AGAP1: variants seen among roughly 807,000 people sequenced by gnomAD.
The protein encoded by AGAP1 is ArfGAP with GTPase domain, ankyrin repeat and PH domain 1.
A neutral mutation model predicts 105.3 loss-of-function variants in AGAP1; 29 were observed. The observed-to-expected ratio is 0.28, with a 90% confidence interval of 0.21 to 0.38. The LOEUF (loss-of-function observed/expected upper bound fraction) is 0.38, where lower values mean the gene tolerates loss of function less well. Among genes scored for constraint, AGAP1 ranks in the 10% least tolerant of loss-of-function variants. AGAP1 has a pLI of 1.00. For synonymous variants in AGAP1, 509 were observed against 485.9 expected (o/e 1.05, Z -0.63); for missense variants, 998 against 1,165.1 (o/e 0.86, Z 2.09).
chr2:236,043,591 G>A (rs1003644695), intron 15 of AGAP1, among the ~76,000 whole-genome samples: 5 of 126,014 alleles, frequency 4.0e-5, no homozygotes, highest in Non-Finnish European at 7.3e-5. Context: ...GCCGGGCATG[G>A]TGGCATATGC....
At chr2:235,649,602 A>G (rs1947514218) in intron 1 of AGAP1, among the ~76,000 whole-genome samples, 2 of 152,070 alleles carry the variant, frequency 1.3e-5, no homozygotes, top group South Asian at 2.1e-4. Flanking sequence ...AGACTCGTGG[A>G]CTCAAGCAAC....
intron 1 of AGAP1, among the ~76,000 whole-genome samples, chr2:235,669,021 C>A (rs1232198467): frequency 6.6e-6 from 1 of 152,076 alleles, no homozygotes; most frequent in Non-Finnish European, 1.5e-5. Flanking sequence ...GTAAAATAAC[C>A]CTACAAGATT....
At position 235,662,829 on chromosome 2, in the gene AGAP1, C is replaced by T. The variant is rs1948005752; in HGVS notation, c.164-46350C>T. Among the ~76,000 whole-genome samples the T allele has an allele frequency of 6.6e-6, 1 of 152,216 alleles. No homozygotes were observed. Among genetic ancestry groups the T allele is most frequent in the South Asian group, 2.1e-4 (1 of 4,834 alleles). ...AGAACCCCTCACCCTGCTCAGTGCT[C>T]CTGGCCACTGCTGACTGGTGCATGG... is the stretch of plus-strand genomic sequence containing the variant. On this transcript the variant is annotated intron_variant, in intron 1 of 17. Transcript: ENST00000304032. The surrounding 1 kb of genome is among the most constrained non-coding windows in gnomAD (Gnocchi z 4.2).
rs1960919249 is a variant in AGAP1, at chr2:235,842,055, G to A, written c.1050+34724G>A. Among the ~76,000 whole-genome samples the A allele has an allele frequency of 6.6e-6, 1 of 152,204 alleles. No homozygotes were observed. The highest frequency in any genetic ancestry group is 2.4e-5 in the African/African-American group (1 of 41,456). ...TTTCACCTGCTGCTTCCTGCGGGATGTCGCTCATGTGGAGGAGGGCCTCTC... is the reference window on the plus strand; with the variant it reads ...TTTCACCTGCTGCTTCCTGCGGGATATCGCTCATGTGGAGGAGGGCCTCTC... On this transcript the variant is annotated intron_variant, in intron 9 of 17. Coordinates refer to ENST00000304032, the MANE Select transcript of AGAP1 (RefSeq NM_001037131.3). This position sits in a 1 kb window ranked among gnomAD's most constrained non-coding sequence, Gnocchi z 5.3.
intron 13 of AGAP1, among the ~76,000 whole-genome samples, chr2:235,998,774 T>TGG (rs2055930815): frequency 1.3e-5 from 2 of 150,076 alleles, no homozygotes; most frequent in Non-Finnish European, 1.5e-5. Flanking sequence ...TGGTGAGAGG[T>TGG]TATGAAGGGG....
chr2:235,589,194 GTTTTTTTTTTTT>G (rs928149334), intron 1 of AGAP1, among the ~76,000 whole-genome samples: 6 of 59,616 alleles, frequency 1.0e-4, no homozygotes, highest in African/African-American at 3.2e-4. Context: ...TTATTGTTTT[GTTTTTTTTTTTT>G]TTTTTTTTTT....
intron 1 of AGAP1, among the ~76,000 whole-genome samples, chr2:235,584,902 C>CTT (rs10629736): frequency 0.37 from 36,686 of 98,290 alleles, 7,390 homozygotes; most frequent in African/African-American, 0.47. Context: ...AAGTCATTAC[C>CTT]TTTTTTTTTT....
intron 1 of AGAP1, among the ~76,000 whole-genome samples, chr2:235,673,074 C>T (rs921989171): frequency 5.9e-5 from 9 of 152,168 alleles, no homozygotes; most frequent in African/African-American, 1.7e-4. Flanking sequence ...TCTAAGTAAT[C>T]ACATGCTCAA....
rs1291403295 is a variant in AGAP1 at position 235,705,048 on chromosome 2, G to T, written c.164-4131G>T. 7.8e-6 allele frequency among the ~76,000 whole-genome samples: 1 copy of T among 128,934 alleles called. No homozygotes were observed. Among genetic ancestry groups the T allele is most frequent in the East Asian group, 2.5e-4 (1 of 3,994 alleles). 84.6% of individuals were successfully genotyped at this position (128,934 alleles called of 152,430 possible). ...GGCTGGAGTGCAATGGTGGGATCTC[G>T]GCTCGCTGCAACCTCTACCTCCCGG... On this transcript the variant is annotated intron_variant, in intron 1 of 17. Transcript: ENST00000304032. This position sits in a 1 kb window ranked among gnomAD's most constrained non-coding sequence, Gnocchi z 4.9.
At chr2:235,949,468 C>T (rs73130450) in intron 12 of AGAP1, among the ~76,000 whole-genome samples, 1,834 of 152,232 alleles carry the variant, frequency 0.012, 26 homozygotes, top group South Asian at 0.045. Flanking sequence ...GATTATGCCA[C>T]CTCTCCGCCT....
intron 11 of AGAP1, among the ~76,000 whole-genome samples, chr2:235,915,981 A>T (rs1559642834): frequency 6.6e-6 from 1 of 152,216 alleles, no homozygotes; most frequent in East Asian, 1.9e-4. Context: ...CAAGAGCAAC[A>T]TGCATTCTTA....
rs2057642347 is a variant in AGAP1, at chr2:236,044,070, G to A, written c.1891+3229G>A. 1.3e-5 allele frequency among the ~76,000 whole-genome samples: 2 copies of A among 152,168 alleles called. No homozygotes were observed. The highest frequency in any genetic ancestry group is 4.8e-5 in the African/African-American group (2 of 41,448). ...GCACTGTTTCCAGAGTGGACGCTGA[G>A]CCTCTGGAGCTTTGGGGGTGCCTGT... On this transcript the variant is annotated intron_variant, in intron 15 of 17. Transcript: ENST00000304032. This position sits in a 1 kb window ranked among gnomAD's most constrained non-coding sequence, Gnocchi z 5.7.
At chr2:235,604,305 C>A (rs1220839848) in intron 1 of AGAP1, among the ~76,000 whole-genome samples, 4 of 151,836 alleles carry the variant, frequency 2.6e-5, no homozygotes, top group Admixed American at 2.0e-4. Context: ...CATAGTGAGA[C>A]CCCGCCTATA....
intron 16 of AGAP1, among the ~76,000 whole-genome samples, chr2:236,072,842 G>A (rs945338213): frequency 6.6e-6 from 1 of 152,064 alleles, no homozygotes; most frequent in Non-Finnish European, 1.5e-5. Context: ...ACTATACCAG[G>A]AGCCATATGT....
rs116653775 is a variant in AGAP1, at chr2:235,885,587, G to A, written c.1155+2138G>A. Among the ~76,000 whole-genome samples the A allele has an allele frequency of 8.3e-3, 1,266 of 152,308 alleles. 21 individuals carry two copies. The highest frequency in any genetic ancestry group is 0.029 in the African/African-American group (1,191 of 41,572). On this transcript the variant is annotated intron_variant, in intron 10 of 17. Transcript: ENST00000304032. ...ATCTCATCTGGCAGTGTATAAGAGAGCCTTTTCTCTGCCCTCTCAAGAACA... is the reference window on the plus strand; with the variant it reads ...ATCTCATCTGGCAGTGTATAAGAGAACCTTTTCTCTGCCCTCTCAAGAACA...
rs190541676 is a variant in AGAP1 at position 236,069,829 on chromosome 2, A to T, written c.2114+20548A>T. On this transcript the variant is annotated intron_variant, in intron 16 of 17. Coordinates refer to ENST00000304032, the MANE Select transcript of AGAP1 (RefSeq NM_001037131.3). Reference sequence around the variant, plus strand: ...TTAATTGTGACACTTTCTCTAGGGGATAGGGTTCTGATTTATTCTTATTTA... The same window carrying T: ...TTAATTGTGACACTTTCTCTAGGGGTTAGGGTTCTGATTTATTCTTATTTA... Among the ~76,000 whole-genome samples the T allele has an allele frequency of 2.0e-5, 3 of 152,336 alleles. No homozygotes were observed. The East Asian group carries it at 5.8e-4, about 29-fold the overall frequency.
At position 235,622,102 on chromosome 2, in the gene AGAP1, G is replaced by A. The variant is rs937920299; in HGVS notation, c.164-87077G>A. Among the ~76,000 whole-genome samples the A allele has an allele frequency of 6.6e-6, 1 of 152,142 alleles. No homozygotes were observed. The highest frequency in any genetic ancestry group is 2.4e-5 in the African/African-American group (1 of 41,436). On this transcript the variant is annotated intron_variant, in intron 1 of 17. Transcript: ENST00000304032. The surrounding 1 kb of genome is among the most constrained non-coding windows in gnomAD (Gnocchi z 5.0). ...TCTTTTCTTGTTGTGTTTTGAATAG[G>A]TTACATGCAGACATCCAAAATAAAC...
chr2:235,774,307 C>T (rs1410545179), intron 6 of AGAP1: 3 of 468,754 alleles, frequency 6.4e-6, no homozygotes, highest in African/African-American at 4.0e-5. Context: ...ACACACCTGT[C>T]GCCAGCCCAG....
chr2:235,754,232 C>T lies in AGAP1; in HGVS notation c.673+3744C>T, dbSNP rs1055414923. ...CTTTGCCCACAGGTCTGGGGAGGGC[C>T]TTGCAGGGGATGCACCCAGCCAGCA... On this transcript the variant is annotated intron_variant, in intron 6 of 17. Transcript: ENST00000304032. The surrounding 1 kb of genome is among the most constrained non-coding windows in gnomAD (Gnocchi z 4.6). 6.6e-6 allele frequency among the ~76,000 whole-genome samples: 1 copy of T among 152,184 alleles called. No individual in the cohort carries two copies. The highest frequency in any genetic ancestry group is 2.1e-4 in the South Asian group (1 of 4,824).
Sources: allele counts gnomAD v4.1 joint callset (sites outside exome capture counted in the v4.1 genomes callset), GRCh38; gene constraint gnomAD v4.1.1; non-coding constraint Gnocchi (gnomAD v3.1); transcripts MANE v1.5; gene names NCBI Gene and HGNC (gene_info 2026-07-23, HGNC 2026-07-21).